Variants in SEL1L3 observed in about 807,000 individuals in gnomAD.
SEL1L3 encodes SEL1L family member 3, also known as protein sel-1 homolog 3.
A neutral mutation model predicts 142.8 loss-of-function variants in SEL1L3; 76 were observed. The ratio of observed to expected loss-of-function variants is 0.53; its 90% confidence interval spans 0.44 to 0.64. The LOEUF is 0.64. Among genes scored for constraint, SEL1L3 ranks in the 30% least tolerant of loss-of-function variants. SEL1L3 has a pLI of 0.00. For missense variants in SEL1L3, 1,262 were observed against 1,381.7 expected, an observed-to-expected ratio of 0.91 and a Z score of 1.37; for synonymous variants, 504 against 519.6, an observed-to-expected ratio of 0.97 and a Z score of 0.41.
At chr4:25,793,541 G>A (rs1712504162) in intron 11 of SEL1L3, among the ~76,000 whole-genome samples, 1 of 146,980 alleles carries the variant, frequency 6.8e-6, no homozygotes, top group Non-Finnish European at 1.5e-5. Flanking sequence ...TTTTGTTTCT[G>A]TGTCCTAACC....
chr4:25,738,608 C>G, the SEL1L3 span, among the ~76,000 whole-genome samples: 1 of 152,154 alleles, frequency 6.6e-6, no homozygotes, highest in Non-Finnish European at 1.5e-5. Flanking sequence ...GACTGAATAC[C>G]AATAAACATT....
intron 11 of SEL1L3, among the ~76,000 whole-genome samples, chr4:25,799,508 A>T (rs907603279): frequency 1.3e-5 from 2 of 151,816 alleles, no homozygotes; most frequent in Non-Finnish European, 2.9e-5. Flanking sequence ...GGGAATTGGA[A>T]CCTCAACATA....
intron 17 of SEL1L3, among the ~76,000 whole-genome samples, chr4:25,775,457 T>A (rs1453605029): frequency 1.3e-5 from 2 of 152,264 alleles, no homozygotes; most frequent in Non-Finnish European, 2.9e-5. Flanking sequence ...ATGCTGAGTC[T>A]CAGCTAATGT....
Position 25,833,074 on chromosome 4 carries a change from TC to T in SEL1L3, c.1018del (p.Glu340LysfsTer5). ...LHIQMHLVKG[E>X]DLAVKTKFII... ...GAATTTAGTTTTTACAGCAAGGTCT[TC>T]CCCTTTGACAAGATGCATCTGAATA... is the stretch of plus-strand genomic sequence containing the variant. On this transcript the variant is annotated frameshift_variant, in exon 5 of 24. Transcript: ENST00000399878. LOFTEE classifies it high-confidence loss of function. 6 of 1,611,828 alleles carry T rather than the reference TC, an allele frequency of 3.7e-6. No individual in the cohort carries two copies. Among genetic ancestry groups the T allele is most frequent in the Non-Finnish European group, 5.1e-6 (6 of 1,178,056 alleles).
chr4:25,857,533 T>G (rs1717348924), intron 1 of SEL1L3, among the ~76,000 whole-genome samples: 1 of 152,180 alleles, frequency 6.6e-6, no homozygotes, highest in Non-Finnish European at 1.5e-5. Flanking sequence ...CTCATAGAAC[T>G]TCTCACTTCT....
At chr4:25,723,833 C>A in the SEL1L3 span, among the ~76,000 whole-genome samples, 1 of 152,106 alleles carries the variant, frequency 6.6e-6, no homozygotes, top group Non-Finnish European at 1.5e-5. Context: ...CGGAGATTCA[C>A]CAATAAATAA....
the SEL1L3 span, among the ~76,000 whole-genome samples, chr4:25,727,799 G>A: frequency 3.3e-5 from 5 of 152,180 alleles, no homozygotes; most frequent in Admixed American, 2.6e-4. Context: ...CCCAGGATGG[G>A]AGGCCAGAGT....
chr4:25,758,918 A>T (rs1259929092), intron 21 of SEL1L3, 23 bp downstream of exon 21: 1 of 1,591,094 alleles, frequency 6.3e-7, no homozygotes, highest in East Asian at 2.2e-5. Flanking sequence ...CAGATTCCAC[A>T]GTTCTAGAGG....
chr4:25,820,412 C>T (rs1474210357), intron 7 of SEL1L3, among the ~76,000 whole-genome samples: 1 of 152,204 alleles, frequency 6.6e-6, no homozygotes, highest in East Asian at 1.9e-4. Flanking sequence ...ACTTACGGGC[C>T]GATGTATCCG....
intron 11 of SEL1L3, among the ~76,000 whole-genome samples, chr4:25,800,691 A>G (rs866060386): frequency 9.2e-5 from 14 of 152,220 alleles, no homozygotes; most frequent in African/African-American, 3.4e-4. Flanking sequence ...ACCAATTAAT[A>G]AATCTATTCC....
intron 1 of SEL1L3, among the ~76,000 whole-genome samples, chr4:25,851,049 C>T (rs937129272): frequency 1.3e-5 from 2 of 152,026 alleles, no homozygotes; most frequent in South Asian, 2.1e-4. Flanking sequence ...TGGGGTTTCA[C>T]GATGTTGGCC....
chr4:25,762,849 G>A (rs1398488899), intron 20 of SEL1L3, among the ~76,000 whole-genome samples: 3 of 151,970 alleles, frequency 2.0e-5, no homozygotes, highest in Non-Finnish European at 2.9e-5. Flanking sequence ...GTGGTGGCGC[G>A]CCTGTAGTCC....
chr4:25,787,966 T>C (rs1289392659), intron 13 of SEL1L3, among the ~76,000 whole-genome samples: 1 of 152,140 alleles, frequency 6.6e-6, no homozygotes, highest in African/African-American at 2.4e-5. Context: ...AATACGGGTG[T>C]CTCCTCCAGA....
intron 10 of SEL1L3, 49 bp downstream of exon 10, chr4:25,804,492 C>T: frequency 1.4e-6 from 2 of 1,400,554 alleles, no homozygotes; most frequent in Non-Finnish European, 2.0e-6. Flanking sequence ...CATTGCTTTG[C>T]AAATATAATG....
intron 9 of SEL1L3, among the ~76,000 whole-genome samples, chr4:25,813,277 A>AT (rs1221135243): frequency 6.6e-6 from 1 of 152,224 alleles, no homozygotes; most frequent in East Asian, 1.9e-4. Flanking sequence ...GTTATTCACA[A>AT]TAGTCAAGGG....
At chr4:25,725,208 A>G in the SEL1L3 span, among the ~76,000 whole-genome samples, 1 of 152,202 alleles carries the variant, frequency 6.6e-6, no homozygotes, top group Admixed American at 6.5e-5. Context: ...AAAAGAATGC[A>G]GAGCGAGTCC....
intron 23 of SEL1L3, among the ~76,000 whole-genome samples, chr4:25,757,124 C>T (rs997859312): frequency 1.3e-5 from 2 of 151,814 alleles, no homozygotes; most frequent in East Asian, 1.9e-4. Context: ...AAAAATTAGC[C>T]GGGTGTGGTG....
At chr4:25,802,155 G>T in intron 11 of SEL1L3, 128 bp downstream of exon 11, 1 of 765,504 alleles carries the variant, frequency 1.3e-6, no homozygotes, top group South Asian at 1.9e-5. Flanking sequence ...GCGCAAGACA[G>T]CTCCTCTCTC....
At chr4:25,780,369 G>A (rs967271895) in intron 15 of SEL1L3, among the ~76,000 whole-genome samples, 1 of 152,016 alleles carries the variant, frequency 6.6e-6, no homozygotes, top group Non-Finnish European at 1.5e-5. Flanking sequence ...ACAGCCCATC[G>A]TTGCCCCATT....
Sources: gnomAD v4.1 joint callset for allele counts (sites outside exome capture counted in the v4.1 genomes callset) on GRCh38, gnomAD v4.1.1 for gene constraint, MANE v1.5 for transcripts, NCBI Gene and HGNC (gene_info 2026-07-23, HGNC 2026-07-21) for gene names.